NEO1: variants seen among roughly 807,000 people sequenced by gnomAD.
The protein encoded by NEO1 is neogenin.
NEO1 carries 63 observed loss-of-function variants against 159.7 expected under a neutral mutation model. That is an observed-to-expected ratio of 0.39 (90% CI 0.32 to 0.49). The LOEUF (loss-of-function observed/expected upper bound fraction) is 0.49. Among genes scored for constraint, NEO1 ranks in the 20% least tolerant of loss-of-function variants. The pLI is 0.85. For synonymous variants in NEO1, 633 were observed against 662.0 expected (o/e 0.96, Z 0.67); for missense variants, 1,615 against 1,831.0 (o/e 0.88, Z 2.15).
Position 73,158,836 on chromosome 15 carries a change from A to G in NEO1, c.1016-17567A>G, listed in dbSNP as rs1301632706. Reference sequence around the variant, plus strand: ...TTTCTTATCCTTCTAGAGATATTCTATGCCTGTTCAAGCAAAGAAGTGTGT... The same window carrying G: ...TTTCTTATCCTTCTAGAGATATTCTGTGCCTGTTCAAGCAAAGAAGTGTGT... On this transcript the variant is annotated intron_variant, in intron 5 of 28. Transcript: ENST00000261908. 3.9e-5 allele frequency among the ~76,000 whole-genome samples: 6 copies of G among 152,298 alleles called. 1 individual carries two copies. The highest frequency in any genetic ancestry group is 1.9e-4 in the East Asian group (1 of 5,186).
At chr15:73,267,525 G>A (rs2040966208) in intron 16 of NEO1, among the ~76,000 whole-genome samples, 1 of 149,170 alleles carries the variant, frequency 6.7e-6, no homozygotes. Flanking sequence ...ATCTCCTAAT[G>A]CTATCCCTCC....
At chr15:73,126,301 C>A in intron 3 of NEO1, 116 bp from the exon 4 acceptor site, 1 of 871,518 alleles carries the variant, frequency 1.1e-6, no homozygotes, top group Non-Finnish European at 1.7e-6. Context: ...AACTCCTGGG[C>A]TCAAGCAGTC....
At chr15:73,148,842 G>A (rs956061006) in intron 5 of NEO1, among the ~76,000 whole-genome samples, 5 of 150,050 alleles carry the variant, frequency 3.3e-5, no homozygotes, top group Admixed American at 6.6e-5. Context: ...CATATCAGTG[G>A]TTTTCAAACT....
At chr15:73,203,284 G>A (rs74022925) in intron 7 of NEO1, among the ~76,000 whole-genome samples, 48,949 of 151,874 alleles carry the variant, frequency 0.32, 9,080 homozygotes, top group Admixed American at 0.45. Flanking sequence ...TTCATTTTTC[G>A]GGGTGTTTTT....
intron 5 of NEO1, among the ~76,000 whole-genome samples, chr15:73,152,511 GTA>G (rs2033454322): frequency 6.6e-6 from 1 of 152,162 alleles, no homozygotes; most frequent in African/African-American, 2.4e-5. Context: ...TTTCCTCATT[GTA>G]TCAATGTCCT....
Position 73,298,550 on chromosome 15 carries a change from G to T in NEO1, c.4104G>T (p.Pro1368=). Residue 1368 remains proline, a synonymous_variant, in exon 27 of 29, where the codon CCG becomes CCT. Coordinates refer to ENST00000261908, the MANE Select transcript of NEO1 (RefSeq NM_002499.4). ...PLKSFAVPAI[P]PPGPPTYDPA... ...AGAGCTTCGCCGTGCCAGCAATCCC[G>T]CCTCCAGGACCTCCCACCTATGATC... 6.2e-7 allele frequency: 1 copy of T among 1,614,028 alleles called. No individual in the cohort carries two copies. The highest frequency in any genetic ancestry group is 8.5e-7 in the Non-Finnish European group (1 of 1,179,990).
At chr15:73,090,733 C>T (rs1484154422) in intron 1 of NEO1, among the ~76,000 whole-genome samples, 2 of 152,036 alleles carry the variant, frequency 1.3e-5, no homozygotes, top group Admixed American at 1.3e-4. Flanking sequence ...CCACTATTAC[C>T]AATCATTTTA....
intron 7 of NEO1, among the ~76,000 whole-genome samples, chr15:73,201,740 CTT>C (rs1490773416): frequency 6.6e-6 from 1 of 152,006 alleles, no homozygotes. Flanking sequence ...TTCTGGCACT[CTT>C]TTGTTGGGTG....
At chr15:73,278,090 A>G (rs2041500133) in intron 21 of NEO1, 41 bp from the exon 22 acceptor site, 4 of 1,572,232 alleles carry the variant, frequency 2.5e-6, no homozygotes, top group Non-Finnish European at 3.5e-6. Context: ...TGTCACGCCA[A>G]ATGTGTGGGG....
intron 7 of NEO1, among the ~76,000 whole-genome samples, chr15:73,209,554 A>G (rs1369413021): frequency 1.3e-5 from 2 of 152,302 alleles, no homozygotes; most frequent in South Asian, 4.1e-4. Context: ...AATGAACTCT[A>G]TCAGAATCAT....
chr15:73,084,411 CTA>C (rs2069239969), intron 1 of NEO1, among the ~76,000 whole-genome samples: 1 of 152,136 alleles, frequency 6.6e-6, no homozygotes, highest in Admixed American at 6.6e-5. Context: ...ATTTGTTTTT[CTA>C]TACCTGGCTT....
At chr15:73,142,653 G>A (rs972618138) in intron 5 of NEO1, among the ~76,000 whole-genome samples, 5 of 152,104 alleles carry the variant, frequency 3.3e-5, no homozygotes, top group Non-Finnish European at 7.4e-5. Flanking sequence ...ACTGATGGAG[G>A]CAAAGGCTCC....
At chr15:73,182,804 A>C (rs1481455493) in intron 7 of NEO1, among the ~76,000 whole-genome samples, 1 of 152,146 alleles carries the variant, frequency 6.6e-6, no homozygotes, top group Non-Finnish European at 1.5e-5. Context: ...GCTACAATTC[A>C]AGGTGAGGTT....
chr15:73,069,204 C>G (rs2068403416), intron 1 of NEO1, among the ~76,000 whole-genome samples: 1 of 148,788 alleles, frequency 6.7e-6, no homozygotes, highest in Admixed American at 6.9e-5. Context: ...TTAAGCGATC[C>G]TCCCTTCTTG....
chr15:73,212,107 A>G (rs2037614540), intron 7 of NEO1, among the ~76,000 whole-genome samples: 1 of 152,148 alleles, frequency 6.6e-6, no homozygotes, highest in Non-Finnish European at 1.5e-5. Flanking sequence ...TCATGTGGTT[A>G]AGGTGGTTTT....
intron 1 of NEO1, among the ~76,000 whole-genome samples, chr15:73,099,181 G>A (rs1191451670): frequency 1.3e-5 from 2 of 152,070 alleles, no homozygotes; most frequent in Non-Finnish European, 2.9e-5. Context: ...CTATTCTTCT[G>A]ATGCTGTTAA....
chr15:73,217,091 T>C (rs987175971), intron 7 of NEO1, among the ~76,000 whole-genome samples: 24 of 152,124 alleles, frequency 1.6e-4, no homozygotes, highest in Non-Finnish European at 2.9e-4. Flanking sequence ...TAATCCATCT[T>C]GAACTGATTT....
chr15:73,178,527 G>A, intron 7 of NEO1, 100 bp downstream of exon 7: 19 of 1,286,718 alleles, frequency 1.5e-5, no homozygotes, highest in Non-Finnish European at 1.9e-5. Flanking sequence ...ATTAGTAAAG[G>A]CCAATATGTG....
At chr15:73,126,635 G>A in intron 4 of NEO1, 65 bp downstream of exon 4, 1 of 1,467,424 alleles carries the variant, frequency 6.8e-7, no homozygotes, top group Non-Finnish European at 9.2e-7. Flanking sequence ...ATCCCATTTG[G>A]GACTATTGAC....
Sources: allele counts gnomAD v4.1 joint callset (sites outside exome capture counted in the v4.1 genomes callset), GRCh38; gene constraint gnomAD v4.1.1; transcripts MANE v1.5; gene names NCBI Gene and HGNC (gene_info 2026-07-23, HGNC 2026-07-21).